GUCY2C: variants seen among roughly 807,000 people sequenced by gnomAD.
The protein encoded by GUCY2C is guanylyl cyclase C.
A neutral mutation model predicts 131.1 loss-of-function variants in GUCY2C; 118 were observed. That is an observed-to-expected ratio of 0.90 (90% CI 0.78 to 1.05). The LOEUF (loss-of-function observed/expected upper bound fraction) is 1.05. GUCY2C is among the 50% of genes least tolerant of loss of function. The pLI is 0.00. For missense variants in GUCY2C, 1,161 were observed against 1,304.4 expected (o/e 0.89, Z 1.69); for synonymous variants, 452 against 457.8 (o/e 0.99, Z 0.16).
intron 17 of GUCY2C, 29 bp from the exon 18 acceptor site, chr12:14,641,248 G>T (rs1565614591): frequency 6.2e-7 from 1 of 1,610,380 alleles, no homozygotes; most frequent in African/African-American, 1.3e-5. Context: ...AGATTACAAA[G>T]TTGAGGGGGG....
At chr12:14,615,855 A>G (rs1946751779) in intron 25 of GUCY2C, among the ~76,000 whole-genome samples, 1 of 152,170 alleles carries the variant, frequency 6.6e-6, no homozygotes, top group South Asian at 2.1e-4. Flanking sequence ...TGTAAAGGCC[A>G]GAAGCATTAT....
chr12:14,686,407 C>T (rs889326564), intron 2 of GUCY2C, among the ~76,000 whole-genome samples, 182 bp from the exon 3 acceptor site: 9 of 152,030 alleles, frequency 5.9e-5, no homozygotes, highest in African/African-American at 1.9e-4. Context: ...TGGAGAGGTT[C>T]GAGAGGGAAA....
Position 14,658,497 on chromosome 12 carries a change from G to A in GUCY2C, c.1365-1880C>T, listed in dbSNP as rs558968924. Among the ~76,000 whole-genome samples the A allele has an allele frequency of 1.2e-4, 18 of 152,174 alleles. No individual in the cohort carries two copies. In the East Asian group the frequency reaches 2.3e-3, roughly 20 times the overall value. On this transcript the variant is annotated intron_variant, in intron 11 of 26. Coordinates refer to ENST00000261170, the MANE Select transcript of GUCY2C (RefSeq NM_004963.4). ...TTGAGACCAGGCTGGCCAACGTGGC[G>A]AAACCCTATCTCTACTAAAAATACA...
rs376325095 is a variant in GUCY2C, at chr12:14,652,995, C to A, written c.1490G>T (p.Arg497Leu). The A allele has an allele frequency of 6.2e-7, 1 of 1,611,758 alleles. No individual in the cohort carries two copies. The highest frequency in any genetic ancestry group is 1.7e-5 in the Admixed American group (1 of 60,008). Residue 497 changes from arginine to leucine, a missense_variant, in exon 13 of 27, where the codon CGA (arginine) becomes CTA (leucine). Transcript: ENST00000261170. ...VSLKIDDDKR[R>L]DTIQRLRQCK... The stretch of plus-strand genomic sequence containing the variant: ...CTGTCGTAGTCTCTGGATTGTATCT[C>A]GTCTTTTGTCATCATCGATCTGGCA...
chr12:14,683,263 T>A lies in GUCY2C; in HGVS notation c.396-6A>T, dbSNP rs767992677. 1.6e-5 allele frequency: 25 copies of A among 1,598,856 alleles called. No homozygotes were observed. The highest frequency in any genetic ancestry group is 2.1e-5 in the Non-Finnish European group (25 of 1,166,634). ...AGCTCAATTCTGTGTCAAGGCTATG[T>A]CAAGAGGTTGAGGAAAAAAGCCATT... is the stretch of plus-strand genomic sequence containing the variant. On this transcript the variant is annotated splice_polypyrimidine_tract_variant and splice_region_variant and intron_variant, in intron 3 of 26. Coordinates refer to ENST00000261170, the MANE Select transcript of GUCY2C (RefSeq NM_004963.4).
In GUCY2C at chr12:14,676,893, A is replaced by G; in HGVS notation, c.909T>C (p.Asn303=). ...NVLVLTLSPG[N]SLLNSSFSRN... ...TGGAGAAAGAGCTATTTAGAAGGGA[A>G]TTCCCAGGAGACAGCGTCAGAACAA... The change falls in exon 7 of 27, where the codon AAT becomes AAC. Residue 303 remains asparagine, a synonymous_variant. Coordinates refer to ENST00000261170, the MANE Select transcript of GUCY2C (RefSeq NM_004963.4). 6.4e-7 allele frequency: 1 copy of G among 1,555,820 alleles called. No individual in the cohort carries two copies.
chr12:14,683,059 T>C lies in GUCY2C; in HGVS notation c.594A>G (p.Glu198=), dbSNP rs139137478. The C allele has an allele frequency of 1.7e-5, 27 of 1,611,202 alleles. No homozygotes were observed. In the African/African-American group the frequency reaches 3.1e-4, roughly 18 times the overall value. ...CTGCTTACCAGAAACAGTCCTCAGT[T>C]TCTGTACCATTCTTGTAAACATACG... is the stretch of plus-strand genomic sequence containing the variant. ...STSYVYKNGT[E]TEDCFWYLNA... The change falls in exon 4 of 27, where the codon GAA becomes GAG. Residue 198 remains glutamate, a synonymous_variant. Coordinates refer to ENST00000261170, the MANE Select transcript of GUCY2C (RefSeq NM_004963.4).
chr12:14,659,593 A>G lies in GUCY2C; in HGVS notation c.1364+1388T>C, dbSNP rs181128850. The stretch of plus-strand genomic sequence containing the variant: ...GTCTGAGTATTCTTCAAGTAAATGC[A>G]TGTAAAATAGCATATTACTGACCCT... On this transcript the variant is annotated intron_variant, in intron 11 of 26. Transcript: ENST00000261170. Among the ~76,000 whole-genome samples the G allele has an allele frequency of 5.3e-5, 8 of 152,324 alleles. 1 individual carries two copies. The highest frequency in any genetic ancestry group is 5.2e-4 in the Admixed American group (8 of 15,304).
At chr12:14,679,570 G>A (rs1357395345) in intron 6 of GUCY2C, 87 bp downstream of exon 6, 3 of 741,984 alleles carry the variant, frequency 4.0e-6, no homozygotes, top group Non-Finnish European at 7.4e-6. Flanking sequence ...GTTGTACAAA[G>A]CAAGAGAAAA....
At chr12:14,664,659 C>G (rs937663374) in intron 10 of GUCY2C, among the ~76,000 whole-genome samples, 1 of 152,108 alleles carries the variant, frequency 6.6e-6, no homozygotes, top group African/African-American at 2.4e-5. Context: ...TTTAACTCAT[C>G]TCACAATGAA....
chr12:14,656,429 G>T, intron 12 of GUCY2C, 83 bp downstream of exon 12: 1 of 715,134 alleles, frequency 1.4e-6, no homozygotes, highest in Non-Finnish European at 2.6e-6. Context: ...TCCCTACTTG[G>T]CACATATCCT....
chr12:14,676,829 A>G (rs1948243300), intron 7 of GUCY2C, 25 bp downstream of exon 7: 2 of 743,020 alleles, frequency 2.7e-6, no homozygotes, highest in Non-Finnish European at 4.1e-6. Context: ...TATAATTTAT[A>G]CTATAACATA....
intron 9 of GUCY2C, among the ~76,000 whole-genome samples, 179 bp from the exon 10 acceptor site, chr12:14,670,012 T>G (rs1424474526): frequency 1.3e-5 from 2 of 152,244 alleles, no homozygotes; most frequent in African/African-American, 2.4e-5. Context: ...AACACAGATA[T>G]AACTTCAGAT....
Position 14,672,923 on chromosome 12 carries a change from C to G in GUCY2C, c.1120G>C (p.Asp374His). The change falls in exon 9 of 27, where the codon GAT becomes CAT. Residue 374 changes from aspartate (D) to histidine (H), a missense_variant. Transcript: ENST00000261170. ...DGPVTLDDWG[D>H]VDSTMVLLYT... is the part of the protein sequence containing the mutation. ...AGAAGCACCATGGTACTGTCAACAT[C>G]CCCCCAGTCATCCAAGGTCACTGGA... 1 of 1,606,472 alleles carries G rather than the reference C, an allele frequency of 6.2e-7. No individual in the cohort carries two copies. The highest frequency in any genetic ancestry group is 8.5e-7 in the Non-Finnish European group (1 of 1,173,072).
intron 17 of GUCY2C, among the ~76,000 whole-genome samples, chr12:14,642,763 G>C (rs1008626380): frequency 2.6e-5 from 4 of 152,140 alleles, no homozygotes; most frequent in African/African-American, 9.7e-5. Context: ...CATGAACCAG[G>C]CTTGGCACAG....
rs981631217 is a variant in GUCY2C, at chr12:14,614,923, G to C, written c.2991C>G (p.Thr997=). 2 of 1,581,116 alleles carry C rather than the reference G, an allele frequency of 1.3e-6. No individual in the cohort carries two copies. Among genetic ancestry groups the C allele is most frequent in the Non-Finnish European group, 1.7e-6 (2 of 1,166,244 alleles). Reference sequence around the variant, plus strand: ...GGTCCTTCATCCCAGTCAGCCAGTAGGTAGTCTCATTTCCTCTTCCCTGGT... The same window carrying C: ...GGTCCTTCATCCCAGTCAGCCAGTACGTAGTCTCATTTCCTCTTCCCTGGT... ...TYLKGRGNET[T]YWLTGMKDQK... The change falls in exon 26 of 27, where the codon ACC becomes ACG. Residue 997 remains threonine (T), a synonymous_variant. Coordinates refer to ENST00000261170, the MANE Select transcript of GUCY2C (RefSeq NM_004963.4).
chr12:14,621,113 C>G lies in GUCY2C; in HGVS notation c.2705G>C (p.Ser902Thr), dbSNP rs1387120702. The G allele has an allele frequency of 6.2e-7, 1 of 1,614,036 alleles. No individual in the cohort carries two copies. The highest frequency in any genetic ancestry group is 1.1e-5 in the South Asian group (1 of 91,088). Residue 902 changes from serine (S) to threonine (T), a missense_variant, in exon 23 of 27, where the codon AGC becomes ACC. Transcript: ENST00000261170. ...DIAKMALEIL[S>T]FMGTFELEHL... ...CTCCAGCTCAAAGGTCCCCATGAAG[C>G]TGAGGATTTCCAAGGCCATCTTGGC...
At chr12:14,623,841 A>T (rs1443259963) in intron 21 of GUCY2C, among the ~76,000 whole-genome samples, 2 of 151,394 alleles carry the variant, frequency 1.3e-5, no homozygotes, top group African/African-American at 4.9e-5. Context: ...CTTCCCCTTC[A>T]CTCTTCCACC....
chr12:14,676,939 G>T lies in GUCY2C; in HGVS notation c.863C>A (p.Pro288His). 1.3e-6 allele frequency: 2 copies of T among 1,560,054 alleles called. No individual in the cohort carries two copies. Among genetic ancestry groups the T allele is most frequent in the South Asian group, 1.2e-5 (1 of 84,450 alleles). Residue 288 changes from proline (P) to histidine (H), a missense_variant, in exon 7 of 27, where the codon CCT becomes CAT. By Grantham distance (77) the Pro-to-His change is moderately conservative. Transcript: ENST00000261170. ...DQYFEDNVTA[P>H]DYMKNVLVLT... ...AACAAGGACATTTTTCATATAGTCA[G>T]GGGCTGTGACATTGTCCTCAAAGTA...
Sources: gnomAD v4.1 joint callset for allele counts (sites outside exome capture counted in the v4.1 genomes callset) on GRCh38, gnomAD v4.1.1 for gene constraint, MANE v1.5 for transcripts, NCBI Gene and HGNC (gene_info 2026-07-23, HGNC 2026-07-21) for gene names.